DOCK7: variants seen among roughly 807,000 people sequenced by gnomAD.
DOCK7 encodes the protein dedicator of cytokinesis protein 7.
A neutral mutation model predicts 271.0 loss-of-function variants in DOCK7; 138 were observed. The ratio of observed to expected loss-of-function variants is 0.51; its 90% CI spans 0.44 to 0.59. The LOEUF (loss-of-function observed/expected upper bound fraction) is 0.59, where lower values mean the gene tolerates loss of function less well. Ranked by LOEUF, DOCK7 falls within the 20% of genes least tolerant of loss-of-function variation. The pLI, the probability that DOCK7 is intolerant of heterozygous loss-of-function variation, is 0.00. For missense variants in DOCK7, 2,066 were observed against 2,592.4 expected (o/e 0.80, Z 4.41); for synonymous variants, 823 against 876.1 (o/e 0.94, Z 1.07).
intron 43 of DOCK7, chr1:62,481,829 G>C (rs986707603): frequency 1.3e-5 from 2 of 152,080 alleles, no homozygotes; most frequent in Admixed American, 1.3e-4. Context: ...GAAACATTCC[G>C]ATGGACTAGT....
rs1471461036 is a variant in DOCK7 at position 62,586,555 on chromosome 1, T to C, written c.1752A>G (p.Thr584=). ...ANRQGSARNI[T]VKVQFMYGED... ...CTCCATACATAAACTGGACTTTCACTGTTATATTTCTAGCAGAACCTTGAC... is the reference window on the plus strand; with the variant it reads ...CTCCATACATAAACTGGACTTTCACCGTTATATTTCTAGCAGAACCTTGAC... The change falls in exon 15 of 50, where the codon ACA becomes ACG. Residue 584 remains threonine, a synonymous_variant. Coordinates refer to ENST00000635253, the MANE Select transcript of DOCK7 (RefSeq NM_001367561.1). 8 of 1,613,072 alleles carry C rather than the reference T, an allele frequency of 5.0e-6. No individual in the cohort carries two copies. The East Asian group carries it at 1.8e-4, about 36-fold the overall frequency.
At chr1:62,524,391 A>G (rs1239661254) in intron 31 of DOCK7, among the ~76,000 whole-genome samples, 1 of 152,224 alleles carries the variant, frequency 6.6e-6, no homozygotes, top group East Asian at 1.9e-4. Flanking sequence ...ATAAAAGTAT[A>G]TATATGCATG....
chr1:62,625,495 A>C, intron 11 of DOCK7, 94 bp from the exon 12 acceptor site: 1 of 1,260,874 alleles, frequency 7.9e-7, no homozygotes, highest in Non-Finnish European at 1.1e-6. Context: ...TACTAAATTG[A>C]AAATTACCCA....
chr1:62,529,188 T>G, intron 30 of DOCK7, 89 bp downstream of exon 30: 1 of 1,272,460 alleles, frequency 7.9e-7, no homozygotes, highest in Non-Finnish European at 1.1e-6. Flanking sequence ...CTTATTTTCC[T>G]AAAATAAGAT....
intron 33 of DOCK7, among the ~76,000 whole-genome samples, chr1:62,512,435 G>A (rs911131038): frequency 6.6e-6 from 1 of 152,102 alleles, no homozygotes; most frequent in African/African-American, 2.4e-5. Flanking sequence ...AAATTTATAA[G>A]GAAAAGGAAG....
intron 14 of DOCK7, among the ~76,000 whole-genome samples, chr1:62,590,396 G>C (rs533400506): frequency 2.8e-4 from 42 of 152,314 alleles, no homozygotes; most frequent in Non-Finnish European, 4.0e-4. Context: ...AAGAATGTAA[G>C]ATTCCTGAGG....
At chr1:62,461,211 T>G (rs1379784769) in intron 48 of DOCK7, among the ~76,000 whole-genome samples, 1 of 152,146 alleles carries the variant, frequency 6.6e-6, no homozygotes, top group Non-Finnish European at 1.5e-5. Flanking sequence ...AATGATGTCC[T>G]CTCTATTCCT....
intron 47 of DOCK7, among the ~76,000 whole-genome samples, chr1:62,474,487 T>C (rs1645916246): frequency 6.6e-6 from 1 of 152,212 alleles, no homozygotes; most frequent in Non-Finnish European, 1.5e-5. Flanking sequence ...ATTCCAAAGG[T>C]ATTCCGGACA....
intron 28 of DOCK7, among the ~76,000 whole-genome samples, chr1:62,536,399 A>C (rs531235476): frequency 6.6e-5 from 10 of 152,354 alleles, no homozygotes; most frequent in African/African-American, 2.2e-4. Flanking sequence ...ATGTTCAGTA[A>C]GGAATTAGAT....
intron 12 of DOCK7, among the ~76,000 whole-genome samples, chr1:62,620,794 G>GAAT (rs1335332092): frequency 2.0e-5 from 3 of 147,940 alleles, no homozygotes; most frequent in Non-Finnish European, 4.4e-5. Context: ...TGAGGCAGGA[G>GAAT]AATGGCGTGA....
intron 1 of DOCK7, among the ~76,000 whole-genome samples, chr1:62,668,426 C>T (rs1289395651): frequency 1.3e-5 from 2 of 152,146 alleles, no homozygotes; most frequent in East Asian, 3.8e-4. Context: ...TTTGAGCAAA[C>T]CAGCTGTAAA....
rs1355887480 is a variant in DOCK7, at chr1:62,525,229, G to A, written c.3936+2922C>T. On this transcript the variant is annotated intron_variant, in intron 31 of 49. Coordinates refer to ENST00000635253, the MANE Select transcript of DOCK7 (RefSeq NM_001367561.1). ...TTACCATGTTGGCCAGGTTGGTCTC[G>A]AACTCCTGACTTCAAGTGATCTGCC... 2.6e-5 allele frequency among the ~76,000 whole-genome samples: 4 copies of A among 151,678 alleles called. No individual in the cohort carries two copies. In the East Asian group the frequency reaches 5.9e-4, roughly 22 times the overall value.
intron 41 of DOCK7, among the ~76,000 whole-genome samples, chr1:62,491,680 C>T (rs967501452): frequency 6.6e-6 from 1 of 152,142 alleles, no homozygotes; most frequent in Admixed American, 6.5e-5. Context: ...TCTTGGACAC[C>T]AGGGCAATGC....
chr1:62,542,564 A>C, intron 25 of DOCK7, 44 bp downstream of exon 25: 1 of 1,556,426 alleles, frequency 6.4e-7, no homozygotes, highest in East Asian at 2.3e-5. Context: ...AAAATTGTTC[A>C]CTAAGAGAAA....
chr1:62,566,698 G>A (rs1484666900), intron 18 of DOCK7, among the ~76,000 whole-genome samples: 1 of 152,120 alleles, frequency 6.6e-6, no homozygotes, highest in Non-Finnish European at 1.5e-5. Context: ...TGACAAATGG[G>A]ATCTAATTAA....
At chr1:62,591,519 TA>T (rs1408029677) in intron 14 of DOCK7, among the ~76,000 whole-genome samples, 1 of 151,698 alleles carries the variant, frequency 6.6e-6, no homozygotes, top group Non-Finnish European at 1.5e-5. Flanking sequence ...TAATCTACAT[TA>T]AAAAATAAAA....
At chr1:62,563,534 C>CA (rs1369460182) in intron 18 of DOCK7, among the ~76,000 whole-genome samples, 1 of 151,634 alleles carries the variant, frequency 6.6e-6, no homozygotes, top group African/African-American at 2.4e-5. Flanking sequence ...AACAAACAAA[C>CA]AAAAAAACAG....
intron 14 of DOCK7, chr1:62,602,309 A>G: frequency 6.2e-7 from 1 of 1,610,622 alleles, no homozygotes; most frequent in Non-Finnish European, 8.5e-7. Flanking sequence ...TTAATTCAAC[A>G]TCGAATAGAT....
At chr1:62,659,959 G>A (rs187778471) in intron 2 of DOCK7, among the ~76,000 whole-genome samples, 44 of 152,222 alleles carry the variant, frequency 2.9e-4, no homozygotes, top group Admixed American at 2.6e-3. Flanking sequence ...ACTGAAAGAA[G>A]AAATAAGACA....
Sources: gnomAD v4.1 joint callset for allele counts (sites outside exome capture counted in the v4.1 genomes callset) on GRCh38, gnomAD v4.1.1 for gene constraint, MANE v1.5 for transcripts, NCBI Gene and HGNC (gene_info 2026-07-23, HGNC 2026-07-21) for gene names.